MAGI1: variants seen among roughly 807,000 people sequenced by gnomAD.
MAGI1 encodes the protein membrane associated guanylate kinase, WW and PDZ domain containing 1.
MAGI1 carries 58 observed loss-of-function variants against 139.9 expected under a neutral mutation model. The observed-to-expected ratio is 0.41, with a 90% CI of 0.34 to 0.52. MAGI1 has a LOEUF of 0.52. MAGI1 is among the 20% of genes least tolerant of loss of function. The pLI, the probability that MAGI1 is intolerant of heterozygous loss-of-function variation, is 0.12. For missense variants in MAGI1, 1,874 were observed against 1,901.6 expected (o/e 0.99, Z 0.27); for synonymous variants, 812 against 737.9 (o/e 1.10, Z -1.63).
intron 1 of MAGI1, among the ~76,000 whole-genome samples, chr3:65,743,667 G>A (rs2035459490): frequency 6.6e-6 from 1 of 151,644 alleles, no homozygotes; most frequent in Non-Finnish European, 1.5e-5. Flanking sequence ...CTGAGATTGT[G>A]CCACTGCACT....
chr3:65,981,332 G>T (rs1025018506), intron 1 of MAGI1, among the ~76,000 whole-genome samples: 1 of 152,098 alleles, frequency 6.6e-6, no homozygotes, highest in Admixed American at 6.5e-5. Context: ...TAGCAAGCAG[G>T]TGAACCTTTT....
chr3:65,752,782 C>A (rs1298173602), intron 1 of MAGI1, among the ~76,000 whole-genome samples: 1 of 152,188 alleles, frequency 6.6e-6, no homozygotes, highest in Non-Finnish European at 1.5e-5. Flanking sequence ...ATATCCCACC[C>A]CGACTTCAAT....
chr3:65,656,784 G>A (rs1268029206), intron 1 of MAGI1, among the ~76,000 whole-genome samples: 1 of 151,960 alleles, frequency 6.6e-6, no homozygotes, highest in Admixed American at 6.6e-5. Context: ...GATCATTTGA[G>A]GTCATGAGTT....
chr3:65,690,361 T>G (rs2088471553), intron 1 of MAGI1, among the ~76,000 whole-genome samples: 1 of 152,368 alleles, frequency 6.6e-6, no homozygotes, highest in East Asian at 1.9e-4. Context: ...TGTAGACAGT[T>G]GGAGTTGGCT....
At chr3:65,976,457 C>T (rs2065270016) in intron 1 of MAGI1, among the ~76,000 whole-genome samples, 1 of 152,076 alleles carries the variant, frequency 6.6e-6, no homozygotes, top group South Asian at 2.1e-4. Context: ...TGGCAAAATC[C>T]TGTCTCTACT....
intron 1 of MAGI1, among the ~76,000 whole-genome samples, chr3:66,012,858 A>C (rs1003883726): frequency 1.3e-5 from 2 of 151,936 alleles, no homozygotes; most frequent in Non-Finnish European, 2.9e-5. Flanking sequence ...AATGTCCGGT[A>C]AATCTGAATC....
intron 1 of MAGI1, among the ~76,000 whole-genome samples, chr3:65,927,518 T>G (rs923476775): frequency 3.3e-5 from 5 of 152,230 alleles, no homozygotes; most frequent in African/African-American, 9.6e-5. Context: ...AAAACATTGC[T>G]TCAAGCAGCA....
chr3:65,950,067 CAA>C (rs61696952), intron 1 of MAGI1, among the ~76,000 whole-genome samples: 29 of 76,736 alleles, frequency 3.8e-4, no homozygotes, highest in Non-Finnish European at 6.0e-4. Flanking sequence ...AACAAAAAAA[CAA>C]AAAAAAAACA....
At chr3:65,907,961 TTC>T (rs2061503863) in intron 1 of MAGI1, among the ~76,000 whole-genome samples, 1 of 152,174 alleles carries the variant, frequency 6.6e-6, no homozygotes, top group African/African-American at 2.4e-5. Context: ...ATCCCTCTGT[TTC>T]ACTTTCTCTC....
At chr3:65,692,253 T>C (rs562788783) in intron 1 of MAGI1, among the ~76,000 whole-genome samples, 3 of 152,210 alleles carry the variant, frequency 2.0e-5, no homozygotes, top group African/African-American at 7.2e-5. Flanking sequence ...AATGTTTCAA[T>C]GGTCAACAAA....
Position 65,383,627 on chromosome 3 carries a change from C to G in MAGI1, c.2417-4G>C. 6.4e-7 allele frequency: 1 copy of G among 1,571,398 alleles called. No homozygotes were observed. Among genetic ancestry groups the G allele is most frequent in the Non-Finnish European group, 8.8e-7 (1 of 1,141,346 alleles). On this transcript the variant is annotated splice_region_variant and splice_polypyrimidine_tract_variant and intron_variant, in intron 14 of 22. Transcript: ENST00000402939. ...TCCTGTTCCTGGTAATCTGGAACTG[C>G]AGAGAGGGGAGAAAAAAGAGAAGGA...
intron 1 of MAGI1, among the ~76,000 whole-genome samples, chr3:65,663,632 A>G (rs2086329926): frequency 6.6e-6 from 1 of 152,196 alleles, no homozygotes; most frequent in African/African-American, 2.4e-5. Context: ...TTCCTGTGCC[A>G]GGGTTCAGGA....
intron 1 of MAGI1, among the ~76,000 whole-genome samples, chr3:65,707,723 A>C (rs1045680888): frequency 6.6e-6 from 1 of 151,516 alleles, no homozygotes; most frequent in African/African-American, 2.4e-5. Flanking sequence ...TGGCAAAAGA[A>C]TCCCTGGAGA....
chr3:65,372,503 A>G (rs984487598), intron 18 of MAGI1, among the ~76,000 whole-genome samples: 4 of 152,216 alleles, frequency 2.6e-5, no homozygotes, highest in Non-Finnish European at 5.9e-5. Context: ...CCAGATGAGC[A>G]CTGGCTTCAG....
intron 5 of MAGI1, among the ~76,000 whole-genome samples, chr3:65,458,931 T>G (rs1467495054): frequency 6.6e-6 from 1 of 152,230 alleles, no homozygotes; most frequent in Non-Finnish European, 1.5e-5. Context: ...GTTTCATAGT[T>G]GGAGGTCTTA....
chr3:65,955,157 A>C (rs955771962), intron 1 of MAGI1, among the ~76,000 whole-genome samples: 3 of 152,134 alleles, frequency 2.0e-5, no homozygotes, highest in Non-Finnish European at 2.9e-5. Context: ...AGAGACAGGG[A>C]GGAGGGGGGA....
At chr3:65,363,709 T>C (rs1941115482) in intron 20 of MAGI1, 101 bp from the exon 21 acceptor site, 6 of 907,974 alleles carry the variant, frequency 6.6e-6, no homozygotes, top group Non-Finnish European at 9.9e-6. Context: ...ATCCCCCTCT[T>C]GGTGACTCTT....
intron 2 of MAGI1, among the ~76,000 whole-genome samples, chr3:65,574,434 T>G (rs1338371958): frequency 1.4e-5 from 2 of 143,356 alleles, no homozygotes. Flanking sequence ...GTAAATGACC[T>G]GCATAGAAAC....
At chr3:65,362,177 T>C (rs549063081) in intron 21 of MAGI1, among the ~76,000 whole-genome samples, 1 of 152,268 alleles carries the variant, frequency 6.6e-6, no homozygotes, top group Admixed American at 6.5e-5. Flanking sequence ...TTCTTACTTA[T>C]AGAAGAGGCT....
Sources: gnomAD v4.1 joint callset for allele counts (sites outside exome capture counted in the v4.1 genomes callset) on GRCh38, gnomAD v4.1.1 for gene constraint, MANE v1.5 for transcripts, NCBI Gene and HGNC (gene_info 2026-07-23, HGNC 2026-07-21) for gene names.